The following KREMEN1 variants were observed in gnomAD, a reference collection of about 807,000 sequenced individuals.
The protein encoded by KREMEN1 is kremen protein 1.
KREMEN1 carries 30 observed loss-of-function variants against 46.5 expected under a neutral mutation model. The ratio of observed to expected loss-of-function variants is 0.65; its 90% CI spans 0.48 to 0.88. The LOEUF (loss-of-function observed/expected upper bound fraction) is 0.88. Among genes scored for constraint, KREMEN1 ranks in the 40% least tolerant of loss-of-function variants. The pLI is 0.00. For synonymous variants in KREMEN1, 214 were observed against 230.6 expected, an observed-to-expected ratio of 0.93 and a Z score of 0.65; for missense variants, 533 against 596.9, an observed-to-expected ratio of 0.89 and a Z score of 1.11.
intron 4 of KREMEN1, among the ~76,000 whole-genome samples, chr22:29,123,346 TAAA>T (rs557282074): frequency 8.4e-6 from 1 of 119,160 alleles, no homozygotes; most frequent in East Asian, 2.2e-4. Flanking sequence ...TGTGTAAAAT[TAAA>T]AAAAAAAAAA....
chr22:29,148,236 C>A (rs113412376), downstream of KREMEN1, among the ~76,000 whole-genome samples: 252 of 152,266 alleles, frequency 1.7e-3, no homozygotes, highest in African/African-American at 5.7e-3. Flanking sequence ...CTGAGCCCCC[C>A]ACAAGGAGCA....
intron 1 of KREMEN1, among the ~76,000 whole-genome samples, chr22:29,076,792 C>T (rs761985812): frequency 3.3e-5 from 5 of 152,136 alleles, no homozygotes; most frequent in African/African-American, 9.7e-5. Context: ...GCAGAGGTAG[C>T]GGTGAGTTGA....
intron 3 of KREMEN1, among the ~76,000 whole-genome samples, chr22:29,115,772 G>A (rs1392860782): frequency 6.6e-6 from 1 of 152,250 alleles, no homozygotes; most frequent in Non-Finnish European, 1.5e-5. Flanking sequence ...GGGAAATGAT[G>A]TTCAGGCTGA....
At chr22:29,138,897 G>T in intron 7 of KREMEN1, 115 bp downstream of exon 7, 1 of 1,437,610 alleles carries the variant, frequency 7.0e-7, no homozygotes, top group Non-Finnish European at 9.8e-7. Flanking sequence ...AGGCAGGTTG[G>T]GATACTGGCT....
chr22:29,129,588 G>A (rs1194427120), intron 5 of KREMEN1, among the ~76,000 whole-genome samples: 2 of 152,146 alleles, frequency 1.3e-5, no homozygotes, highest in African/African-American at 2.4e-5. Context: ...AGTGTGGCTC[G>A]CATGTGGGTC....
At chr22:29,078,872 C>G (rs2037612548) in intron 1 of KREMEN1, among the ~76,000 whole-genome samples, 1 of 152,242 alleles carries the variant, frequency 6.6e-6, no homozygotes, top group Admixed American at 6.5e-5. Flanking sequence ...GGCAGGTTAC[C>G]TTCTGGCCGG....
At chr22:29,153,507 T>A (rs959338028) in intron 9 of KREMEN1, among the ~76,000 whole-genome samples, 5 of 152,036 alleles carry the variant, frequency 3.3e-5, no homozygotes, top group Non-Finnish European at 4.4e-5. Context: ...GGCTGCTACG[T>A]CCAGCTGATT....
Position 29,164,927 on chromosome 22 carries a change from C to T in KREMEN1, c.1417-2117C>T, listed in dbSNP as rs1000638443. ...TGGTAGCTCAGGCCTCTAATCCCAG[C>T]ACTTTGGGAGGCCCAGGCAGGCGGA... On this transcript the variant is annotated intron_variant, in intron 9 of 9. Transcript: ENST00000327813. 5.9e-5 allele frequency among the ~76,000 whole-genome samples: 9 copies of T among 151,536 alleles called. No individual in the cohort carries two copies. The South Asian group carries it at 1.9e-3, about 32-fold the overall frequency.
intron 3 of KREMEN1, among the ~76,000 whole-genome samples, chr22:29,102,397 A>C (rs916801892): frequency 6.6e-6 from 1 of 152,244 alleles, no homozygotes; most frequent in East Asian, 1.9e-4. Context: ...TTTAAAATGA[A>C]AAACATCTCA....
chr22:29,159,401 T>A (rs132297), intron 9 of KREMEN1, among the ~76,000 whole-genome samples: 136,749 of 151,790 alleles, frequency 0.9, 61,721 homozygotes, highest in East Asian at 1. Flanking sequence ...CGGGTGGATC[T>A]TGAGGTCAGG....
chr22:29,080,883 A>G (rs1214064812), intron 1 of KREMEN1, among the ~76,000 whole-genome samples: 1 of 151,430 alleles, frequency 6.6e-6, no homozygotes, highest in Non-Finnish European at 1.5e-5. Flanking sequence ...TATACAGCCC[A>G]AAATGTCAGT....
intron 4 of KREMEN1, 103 bp downstream of exon 4, chr22:29,121,584 A>G: frequency 4.9e-6 from 6 of 1,227,764 alleles, no homozygotes; most frequent in Admixed American, 1.9e-5. Flanking sequence ...AGCCAGACAC[A>G]AAAGGCCACA....
chr22:29,143,194 CT>C lies in KREMEN1; in HGVS notation c.*1083del. 1 of 985,250 alleles carries C rather than the reference CT, an allele frequency of 1.0e-6. No homozygotes were observed. Among genetic ancestry groups the C allele is most frequent in the Non-Finnish European group, 1.2e-6 (1 of 829,836 alleles). 61.0% of individuals were successfully genotyped at this position (985,250 alleles called of 1,614,324 possible). A position where few individuals can be genotyped will look rare whatever the true frequency, so the allele number is the denominator to read the frequency against. ...TAAACAAAAAAAATCCATTCATTTA[CT>C]CATGCAATAAATTCTCCTGCAAGCT... On this transcript the variant is annotated 3_prime_UTR_variant, in exon 9 of 9. Transcript: ENST00000400335.
intron 1 of KREMEN1, among the ~76,000 whole-genome samples, chr22:29,080,635 A>G (rs1162755823): frequency 6.6e-6 from 1 of 152,310 alleles, no homozygotes; most frequent in South Asian, 2.1e-4. Flanking sequence ...CTTGAGAACA[A>G]TCTTTAGTTA....
At position 29,163,228 on chromosome 22, in the gene KREMEN1, C is replaced by G. The variant is rs181655158; in HGVS notation, c.1417-3816C>G. ...TTTTTCCTGCTCTAGCTCTCACGCT[C>G]TCCTGCCATCTCTTGAAGGAGGTGT... On this transcript the variant is annotated intron_variant, in intron 9 of 9. Transcript: ENST00000327813. 1.3e-3 allele frequency among the ~76,000 whole-genome samples: 205 copies of G among 152,288 alleles called. 1 individual carries two copies. The highest frequency in any genetic ancestry group is 2.2e-3 in the Non-Finnish European group (149 of 68,020).
downstream of KREMEN1, among the ~76,000 whole-genome samples, chr22:29,148,230 G>T (rs2038886857): frequency 2.0e-5 from 3 of 152,134 alleles, no homozygotes; most frequent in African/African-American, 7.2e-5. Context: ...GACAGCCTGA[G>T]CCCCCCACAA....
In KREMEN1 at chr22:29,144,000, C is replaced by T; in HGVS notation, c.*1888C>T. On this transcript the variant is annotated 3_prime_UTR_variant, in exon 9 of 9. Coordinates refer to ENST00000400335, the MANE Select transcript of KREMEN1 (RefSeq NM_001039570.3). Reference sequence around the variant, plus strand: ...TGGCTGCTGGTTGGGAGAGTAAGTGCCATCACTAATTTAAAAGTCCTTGCC... The same window carrying T: ...TGGCTGCTGGTTGGGAGAGTAAGTGTCATCACTAATTTAAAAGTCCTTGCC... 1 of 985,496 alleles carries T rather than the reference C, an allele frequency of 1.0e-6. No homozygotes were observed. The highest frequency in any genetic ancestry group is 1.2e-6 in the Non-Finnish European group (1 of 829,990). 61.0% of individuals were successfully genotyped at this position (985,496 alleles called of 1,614,324 possible).
chr22:29,083,854 G>A (rs1179489577), intron 1 of KREMEN1, among the ~76,000 whole-genome samples: 1 of 151,960 alleles, frequency 6.6e-6, no homozygotes, highest in African/African-American at 2.4e-5. Flanking sequence ...AAGAATTCAG[G>A]ACAAGTCCAC....
At chr22:29,088,601 A>G (rs1344140410) in intron 1 of KREMEN1, among the ~76,000 whole-genome samples, 1 of 152,226 alleles carries the variant, frequency 6.6e-6, no homozygotes, top group Non-Finnish European at 1.5e-5. Flanking sequence ...AAGTGCTGGG[A>G]TTACAGGCGT....
Sources: allele counts gnomAD v4.1 joint callset (sites outside exome capture counted in the v4.1 genomes callset), GRCh38; gene constraint gnomAD v4.1.1; transcripts MANE v1.5; gene names NCBI Gene and HGNC (gene_info 2026-07-23, HGNC 2026-07-21).